The following PARD3B variants were observed in gnomAD, a reference collection of about 807,000 sequenced individuals.
The protein encoded by PARD3B is par-3 family cell polarity regulator beta.
A neutral mutation model predicts 130.2 loss-of-function variants in PARD3B; 103 were observed. The observed-to-expected ratio is 0.79, with a 90% CI of 0.67 to 0.93. PARD3B has a LOEUF of 0.93. Ranked by LOEUF, PARD3B falls within the 40% of genes least tolerant of loss-of-function variation. PARD3B has a pLI of 0.00. For synonymous variants in PARD3B, 583 were observed against 553.2 expected (o/e 1.05, Z -0.76); for missense variants, 1,609 against 1,499.2 (o/e 1.07, Z -1.21).
intron 2 of PARD3B, among the ~76,000 whole-genome samples, chr2:204,875,713 G>A (rs1302538192): frequency 6.6e-6 from 1 of 152,148 alleles, no homozygotes; most frequent in Non-Finnish European, 1.5e-5. Context: ...TTCTTAATCT[G>A]TTTTGAGTTT....
chr2:205,157,402 C>G (rs967229822), intron 10 of PARD3B, among the ~76,000 whole-genome samples: 1 of 152,054 alleles, frequency 6.6e-6, no homozygotes, highest in Non-Finnish European at 1.5e-5. Flanking sequence ...CTTTGAACAA[C>G]ATATTGTCAA....
intron 18 of PARD3B, among the ~76,000 whole-genome samples, chr2:205,372,312 A>T (rs2044853428): frequency 6.6e-6 from 1 of 152,176 alleles, no homozygotes; most frequent in Admixed American, 6.5e-5. Context: ...ACATCCTCAC[A>T]AACATGTGTT....
intron 21 of PARD3B, among the ~76,000 whole-genome samples, chr2:205,534,478 G>T (rs1165730579): frequency 1.3e-5 from 2 of 150,108 alleles, no homozygotes; most frequent in Admixed American, 6.6e-5. Flanking sequence ...TTTTTTTTTT[G>T]GAGACAGAGT....
intron 1 of PARD3B, among the ~76,000 whole-genome samples, chr2:204,638,998 G>T (rs2034984851): frequency 6.6e-6 from 1 of 152,090 alleles, no homozygotes; most frequent in South Asian, 2.1e-4. Context: ...CTGGCTTTAT[G>T]ATCAGTGAGT....
intron 20 of PARD3B, among the ~76,000 whole-genome samples, chr2:205,492,889 G>C (rs192023795): frequency 6.6e-6 from 1 of 152,190 alleles, no homozygotes; most frequent in East Asian, 1.9e-4. Context: ...AATCTGGAGA[G>C]TATGAGTGTA....
chr2:205,043,397 T>A (rs996317008), intron 3 of PARD3B, among the ~76,000 whole-genome samples: 3 of 152,110 alleles, frequency 2.0e-5, no homozygotes, highest in African/African-American at 4.8e-5. Context: ...TCCCATCAGT[T>A]CTGTTATGTG....
chr2:205,582,381 A>G (rs1376704089), intron 22 of PARD3B, among the ~76,000 whole-genome samples: 1 of 152,200 alleles, frequency 6.6e-6, no homozygotes, highest in East Asian at 1.9e-4. Context: ...ATACCATTAC[A>G]ATGCTGGTAA....
rs192285754 is a variant in PARD3B, at chr2:205,160,248, A to T, written c.1620+1341A>T. ...ACATCAATAAGCCTTTATTTTTCTC[A>T]TAGCTCTGTGTGGGGGAGCTGGGGT... On this transcript the variant is annotated intron_variant, in intron 11 of 22. Coordinates refer to ENST00000406610, the MANE Select transcript of PARD3B (RefSeq NM_001302769.2). The surrounding 1 kb of genome is among the most constrained non-coding windows in gnomAD (Gnocchi z 4.0). 1.3e-5 allele frequency among the ~76,000 whole-genome samples: 2 copies of T among 152,178 alleles called. No homozygotes were observed. The highest frequency in any genetic ancestry group is 3.8e-4 in the East Asian group (2 of 5,206).
intron 20 of PARD3B, among the ~76,000 whole-genome samples, chr2:205,490,477 T>C (rs1575150295): frequency 6.6e-6 from 1 of 152,192 alleles, no homozygotes; most frequent in Non-Finnish European, 1.5e-5. Flanking sequence ...TATTCTGTGG[T>C]GTATATGTGC....
chr2:205,615,243 C>T (rs916605759), intron 22 of PARD3B, among the ~76,000 whole-genome samples: 5 of 152,030 alleles, frequency 3.3e-5, no homozygotes, highest in African/African-American at 1.2e-4. Context: ...CACCTTGTGG[C>T]CTAAGATGGT....
rs957504180 is a variant in PARD3B at position 205,265,213 on chromosome 2, T to C, written c.2185+19391T>C. On this transcript the variant is annotated intron_variant, in intron 16 of 22. Coordinates refer to ENST00000406610, the MANE Select transcript of PARD3B (RefSeq NM_001302769.2). The surrounding 1 kb of genome is among the most constrained non-coding windows in gnomAD (Gnocchi z 4.3). ...TCACATTATTGTGTGTAAGATATAT[T>C]TACAAGAGACTTAGACAAAGCAAGG... is the stretch of plus-strand genomic sequence containing the variant. Among the ~76,000 whole-genome samples the C allele has an allele frequency of 6.6e-6, 1 of 152,014 alleles. No homozygotes were observed. Among genetic ancestry groups the C allele is most frequent in the Admixed American group, 6.6e-5 (1 of 15,248 alleles).
chr2:204,896,632 A>G (rs2046651489), intron 2 of PARD3B, among the ~76,000 whole-genome samples: 1 of 152,234 alleles, frequency 6.6e-6, no homozygotes, highest in African/African-American at 2.4e-5. Flanking sequence ...GTTAGCAATT[A>G]AAATCATCAT....
At chr2:205,039,763 C>T (rs1698262860) in intron 3 of PARD3B, among the ~76,000 whole-genome samples, 1 of 152,306 alleles carries the variant, frequency 6.6e-6, no homozygotes, top group Non-Finnish European at 1.5e-5. Flanking sequence ...AGCCACCACA[C>T]TCAGCCTGCT....
chr2:205,185,503 G>T (rs1375328253), intron 13 of PARD3B, among the ~76,000 whole-genome samples: 1 of 152,138 alleles, frequency 6.6e-6, no homozygotes, highest in Non-Finnish European at 1.5e-5. Flanking sequence ...GGTGGGAAAA[G>T]GTAGTCAAGA....
At chr2:204,617,327 G>C (rs2034146768) in intron 1 of PARD3B, among the ~76,000 whole-genome samples, 1 of 152,154 alleles carries the variant, frequency 6.6e-6, no homozygotes, top group African/African-American at 2.4e-5. Context: ...AATCACAGAA[G>C]TGACTATGAC....
intron 22 of PARD3B, among the ~76,000 whole-genome samples, chr2:205,583,343 G>A (rs1186397480): frequency 2.6e-5 from 4 of 151,730 alleles, no homozygotes; most frequent in Non-Finnish European, 5.9e-5. Flanking sequence ...GAAATCATAT[G>A]CAAAGAAATT....
chr2:205,609,386 CAAG>C lies in PARD3B; in HGVS notation c.3261-6067_3261-6065del, dbSNP rs560503398. 3.9e-5 allele frequency among the ~76,000 whole-genome samples: 6 copies of C among 152,282 alleles called. No homozygotes were observed. The South Asian group carries it at 6.2e-4, about 16-fold the overall frequency. ...CTAAATAATCTATGTGTGGCATGCT[CAAG>C]AATAGCATGGCTCTGCCAGATGTCG... On this transcript the variant is annotated intron_variant, in intron 22 of 22. Transcript: ENST00000406610.
intron 2 of PARD3B, among the ~76,000 whole-genome samples, chr2:204,870,492 A>G (rs960480113): frequency 3.3e-5 from 5 of 152,122 alleles, no homozygotes; most frequent in Non-Finnish European, 7.4e-5. Flanking sequence ...AAGCCAGGAA[A>G]TAGGTGGTCA....
At chr2:204,882,922 T>A (rs962052881) in intron 2 of PARD3B, among the ~76,000 whole-genome samples, 1 of 152,194 alleles carries the variant, frequency 6.6e-6, no homozygotes, top group Non-Finnish European at 1.5e-5. Flanking sequence ...ATTATTCTAT[T>A]CCTACTCTGC....
Sources: allele counts gnomAD v4.1 joint callset (sites outside exome capture counted in the v4.1 genomes callset), GRCh38; gene constraint gnomAD v4.1.1; non-coding constraint Gnocchi (gnomAD v3.1); transcripts MANE v1.5; gene names NCBI Gene and HGNC (gene_info 2026-07-23, HGNC 2026-07-21).